The following NFIL3 variants were observed in gnomAD, a reference collection of about 807,000 sequenced individuals.
The protein encoded by NFIL3 is nuclear factor interleukin-3-regulated protein.
Under a neutral mutation model 10.0 loss-of-function variants are expected in NFIL3, and 5 were observed. That is an observed-to-expected ratio of 0.50 (90% confidence interval 0.26 to 1.06). The LOEUF (loss-of-function observed/expected upper bound fraction) is 1.06, where lower values mean the gene tolerates loss of function less well. Among genes scored for constraint, NFIL3 ranks in the 50% least tolerant of loss-of-function variants. NFIL3 has a pLI of 0.13. For synonymous variants in NFIL3, 202 were observed against 206.5 expected (o/e 0.98, Z 0.19); for missense variants, 436 against 547.6 (o/e 0.80, Z 2.03).
chr9:91,456,756 A>G, the NFIL3 span, among the ~76,000 whole-genome samples: 2 of 152,090 alleles, frequency 1.3e-5, no homozygotes, highest in African/African-American at 2.4e-5. Context: ...ATTATATCTA[A>G]AAAATCTTTG....
chr9:91,417,505 G>A (rs185578348), intron 1 of NFIL3, among the ~76,000 whole-genome samples: 2 of 152,148 alleles, frequency 1.3e-5, no homozygotes, highest in East Asian at 1.9e-4. Flanking sequence ...CAGTATCTGC[G>A]TCAATGAAAT....
chr9:91,464,888 A>C, the NFIL3 span, among the ~76,000 whole-genome samples: 1 of 152,102 alleles, frequency 6.6e-6, no homozygotes, highest in African/African-American at 2.4e-5. Flanking sequence ...CTCTTCCAAA[A>C]ACTAATCTCT....
chr9:91,454,992 C>T, the NFIL3 span, among the ~76,000 whole-genome samples: 470 of 152,264 alleles, frequency 3.1e-3, 1 homozygote, highest in Admixed American at 4.8e-3. Flanking sequence ...TCATGGTGAA[C>T]ACAGTCTGCA....
At chr9:91,478,143 C>T in the NFIL3 span, among the ~76,000 whole-genome samples, 2 of 152,028 alleles carry the variant, frequency 1.3e-5, no homozygotes, top group Admixed American at 6.5e-5. Flanking sequence ...TTGCTCTTCT[C>T]GAGGAGTATC....
At chr9:91,422,107 C>T (rs73505249) in intron 1 of NFIL3, among the ~76,000 whole-genome samples, 3,399 of 152,286 alleles carry the variant, frequency 0.022, 100 homozygotes, top group East Asian at 0.12. Context: ...TGACACTTGG[C>T]CATTCCCTGC....
At chr9:91,431,158 CCAGTACGTTATTCAGG>C in the NFIL3 span, among the ~76,000 whole-genome samples, 1 of 152,162 alleles carries the variant, frequency 6.6e-6, no homozygotes. Flanking sequence ...GCAAAACCAA[CCAGTACGTTATTCAGG>C]CAGTACGTTA....
the NFIL3 span, among the ~76,000 whole-genome samples, chr9:91,437,035 G>A: frequency 2.6e-5 from 4 of 152,160 alleles, no homozygotes; most frequent in African/African-American, 9.7e-5. Flanking sequence ...TCCCTCGCAT[G>A]CGCAGTTCCC....
Position 91,409,592 on chromosome 9 carries a change from G to A in NFIL3, c.1143C>T (p.Phe381=), listed in dbSNP as rs1435844971. Residue 381 remains phenylalanine, a synonymous_variant, in exon 2 of 2, where the codon TTC becomes TTT. Transcript: ENST00000297689. The part of the protein sequence containing the change: ...PSMVHSSLTP[F]SVQVTNIQDW... ...CTTGAATGTTAGTCACTTGCACTGA[G>A]AAAGGAGTAAGAGAAGAATGTACCA... is the stretch of plus-strand genomic sequence containing the variant. 1 of 1,614,234 alleles carries A rather than the reference G, an allele frequency of 6.2e-7. No individual in the cohort carries two copies. The highest frequency in any genetic ancestry group is 1.7e-5 in the Admixed American group (1 of 60,024).
At chr9:91,468,146 C>T in the NFIL3 span, among the ~76,000 whole-genome samples, 1 of 152,174 alleles carries the variant, frequency 6.6e-6, no homozygotes, top group Non-Finnish European at 1.5e-5. Context: ...AGTTTACAGT[C>T]CCACCAACAG....
chr9:91,434,164 A>C, the NFIL3 span, among the ~76,000 whole-genome samples: 13,111 of 152,168 alleles, frequency 0.086, 828 homozygotes, highest in African/African-American at 0.17. Flanking sequence ...CGTATAATAG[A>C]AGCACTTTGG....
At chr9:91,423,067 G>A (rs756648770) in intron 1 of NFIL3, among the ~76,000 whole-genome samples, 8 of 152,090 alleles carry the variant, frequency 5.3e-5, no homozygotes, top group Non-Finnish European at 1.0e-4. Context: ...CGACAAACAG[G>A]GTGGAAAACG....
At chr9:91,480,703 T>G in the NFIL3 span, among the ~76,000 whole-genome samples, 1 of 152,192 alleles carries the variant, frequency 6.6e-6, no homozygotes, top group Non-Finnish European at 1.5e-5. Context: ...ACACAAAAAT[T>G]GAAATCTATG....
chr9:91,442,019 A>G, the NFIL3 span, among the ~76,000 whole-genome samples: 2 of 152,194 alleles, frequency 1.3e-5, no homozygotes, highest in Non-Finnish European at 2.9e-5. Context: ...TGAGTTTTAT[A>G]CTACTACTCC....
the NFIL3 span, among the ~76,000 whole-genome samples, chr9:91,468,479 C>T: frequency 2.6e-5 from 4 of 152,192 alleles, no homozygotes; most frequent in Middle Eastern, 3.4e-3. Context: ...TTCTCCCATT[C>T]TGTAGGTTGC....
At chr9:91,412,442 A>T (rs935103295) in intron 1 of NFIL3, among the ~76,000 whole-genome samples, 1 of 152,142 alleles carries the variant, frequency 6.6e-6, no homozygotes, top group Admixed American at 6.5e-5. Flanking sequence ...CTAGACACTG[A>T]TTCTCTGCCT....
chr9:91,430,879 C>G, the NFIL3 span, among the ~76,000 whole-genome samples: 1 of 152,312 alleles, frequency 6.6e-6, no homozygotes, highest in East Asian at 1.9e-4. Context: ...CTCCTGGCCT[C>G]AAGTGATCCT....
At chr9:91,460,160 A>T in the NFIL3 span, among the ~76,000 whole-genome samples, 1 of 151,576 alleles carries the variant, frequency 6.6e-6, no homozygotes, top group African/African-American at 2.4e-5. Flanking sequence ...CTGTGCAGGT[A>T]GTTTGAGAAG....
chr9:91,448,608 G>A, the NFIL3 span, among the ~76,000 whole-genome samples: 1 of 152,148 alleles, frequency 6.6e-6, no homozygotes, highest in Non-Finnish European at 1.5e-5. Context: ...GAGTTTTGGT[G>A]GGAACAGACC....
the NFIL3 span, among the ~76,000 whole-genome samples, chr9:91,446,835 A>G: frequency 0.15 from 19,890 of 130,716 alleles, 1,455 homozygotes; most frequent in East Asian, 0.35. Context: ...TCTCTCTTTC[A>G]ATGGAGTTTT....
Sources: gnomAD v4.1 joint callset for allele counts (sites outside exome capture counted in the v4.1 genomes callset) on GRCh38, gnomAD v4.1.1 for gene constraint, MANE v1.5 for transcripts, NCBI Gene and HGNC (gene_info 2026-07-23, HGNC 2026-07-21) for gene names.